FAAH2: variants seen among roughly 807,000 people sequenced by gnomAD.
The protein encoded by FAAH2 is fatty acid amide hydrolase 2, also known as fatty-acid amide hydrolase 2.
FAAH2 carries 60 observed loss-of-function variants against 36.9 expected under a neutral mutation model. The ratio of observed to expected loss-of-function variants is 1.63; its 90% CI spans 1.32 to 2.02. FAAH2 has a LOEUF of 2.02. Among genes scored for constraint, FAAH2 ranks in the 30% most tolerant of loss-of-function variants. The pLI, the probability that FAAH2 is intolerant of heterozygous loss-of-function variation, is 0.00. For synonymous variants in FAAH2, 214 were observed against 143.8 expected (o/e 1.49, Z -3.49); for missense variants, 689 against 397.5 (o/e 1.73, Z -6.23).
chrX:57,377,139 G>C (rs1438815629), intron 5 of FAAH2, among the ~76,000 whole-genome samples: 1 of 112,174 alleles, frequency 8.9e-6, no homozygotes, highest in Admixed American at 9.4e-5. Flanking sequence ...TTGCTGTGCA[G>C]AAGCTCTTTA....
At chrX:57,145,262 G>T in the FAAH2 span, among the ~76,000 whole-genome samples, 1 of 105,184 alleles carries the variant, frequency 9.5e-6, no homozygotes, top group African/African-American at 3.8e-5. Flanking sequence ...TTGGGGGGGG[G>T]TAAGGTGGTA....
chrX:57,277,080 C>T, the FAAH2 span, among the ~76,000 whole-genome samples: 2 of 111,051 alleles, frequency 1.8e-5, no homozygotes, highest in East Asian at 5.6e-4. Flanking sequence ...TTTTATATGG[C>T]CAGCATCAGC....
intron 8 of FAAH2, among the ~76,000 whole-genome samples, chrX:57,440,003 A>T (rs1357815809): frequency 9.0e-6 from 1 of 111,628 alleles, no homozygotes; most frequent in Non-Finnish European, 1.9e-5. Flanking sequence ...TGGTTACTGT[A>T]GCCTTGTAGT....
the FAAH2 span, among the ~76,000 whole-genome samples, chrX:57,265,529 C>T: frequency 1.8e-5 from 2 of 111,382 alleles, no homozygotes; most frequent in African/African-American, 6.5e-5. Flanking sequence ...CAAACGGGGG[C>T]AGAAGAGATC....
intron 8 of FAAH2, among the ~76,000 whole-genome samples, chrX:57,434,690 G>T (rs1202127727): frequency 9.0e-6 from 1 of 110,897 alleles, no homozygotes; most frequent in African/African-American, 3.3e-5. Context: ...TAGAAAGAAA[G>T]ATAAAAAATA....
chrX:57,482,510 G>A (rs901979636), intron 10 of FAAH2, among the ~76,000 whole-genome samples: 5 of 110,151 alleles, frequency 4.5e-5, no homozygotes, highest in South Asian at 7.9e-4. Context: ...CCAACTTCCT[G>A]TACTTCCTGG....
the FAAH2 span, among the ~76,000 whole-genome samples, chrX:57,266,928 T>C: frequency 2.7e-5 from 3 of 112,464 alleles, no homozygotes; most frequent in Non-Finnish European, 5.6e-5. Context: ...AGGGAAACCA[T>C]TGGACCTGAT....
chrX:57,384,138 T>C (rs1208183376), intron 7 of FAAH2, among the ~76,000 whole-genome samples: 1 of 110,481 alleles, frequency 9.1e-6, no homozygotes, highest in Non-Finnish European at 1.9e-5. Flanking sequence ...AAGCTGAAAC[T>C]GGATCCCTTC....
At chrX:57,337,322 C>T (rs1418584771) in intron 4 of FAAH2, among the ~76,000 whole-genome samples, 4 of 106,677 alleles carry the variant, frequency 3.7e-5, no homozygotes, top group African/African-American at 1.4e-4. Flanking sequence ...AATTCTACCA[C>T]AGGTACAAAG....
intron 7 of FAAH2, among the ~76,000 whole-genome samples, chrX:57,383,764 A>T (rs1361477224): frequency 3.6e-5 from 4 of 112,159 alleles, no homozygotes; most frequent in Middle Eastern, 4.6e-3. Context: ...TAATTTATAG[A>T]TTCAATGCCA....
At chrX:57,191,859 G>T in the FAAH2 span, among the ~76,000 whole-genome samples, 1 of 111,983 alleles carries the variant, frequency 8.9e-6, no homozygotes, top group Non-Finnish European at 1.9e-5. Context: ...TTTTATGCAA[G>T]AACCATGCTG....
chrX:57,243,691 G>A, the FAAH2 span, among the ~76,000 whole-genome samples: 1 of 111,868 alleles, frequency 8.9e-6, no homozygotes, highest in South Asian at 3.7e-4. Context: ...CAAACAGAAA[G>A]GAATAATATC....
the FAAH2 span, among the ~76,000 whole-genome samples, chrX:57,222,064 C>G: frequency 9.0e-6 from 1 of 111,444 alleles, no homozygotes; most frequent in Non-Finnish European, 1.9e-5. Flanking sequence ...GCACCCCCCT[C>G]AGTCACCTAT....
the FAAH2 span, among the ~76,000 whole-genome samples, chrX:57,266,977 C>G: frequency 8.9e-6 from 1 of 112,036 alleles, no homozygotes; most frequent in Non-Finnish European, 1.9e-5. Flanking sequence ...GGGGCTAGTC[C>G]CACCTGAGCA....
chrX:57,184,216 T>C, the FAAH2 span, among the ~76,000 whole-genome samples: 1 of 111,907 alleles, frequency 8.9e-6, no homozygotes, highest in East Asian at 2.8e-4. Context: ...GCTTTTGCCT[T>C]TTGTCCTGTT....
the FAAH2 span, among the ~76,000 whole-genome samples, chrX:57,169,519 T>C: frequency 1.6e-4 from 1 of 6,143 alleles, no homozygotes; most frequent in Non-Finnish European, 2.4e-4. Flanking sequence ...TATATATATA[T>C]ATATATATAT....
At chrX:57,153,441 A>T in the FAAH2 span, among the ~76,000 whole-genome samples, 1 of 111,313 alleles carries the variant, frequency 9.0e-6, no homozygotes. Context: ...TTTATATTGT[A>T]TTTTAATTTT....
At chrX:57,238,184 A>G in the FAAH2 span, among the ~76,000 whole-genome samples, 1 of 111,881 alleles carries the variant, frequency 8.9e-6, no homozygotes, top group African/African-American at 3.3e-5. Context: ...TCTGCCATAA[A>G]ACATATGAAT....
chrX:57,400,060 A>G (rs1437296289), intron 7 of FAAH2, among the ~76,000 whole-genome samples: 1 of 112,334 alleles, frequency 8.9e-6, no homozygotes, highest in Non-Finnish European at 1.9e-5. Flanking sequence ...TTACTTGTTG[A>G]CAGTTATGTT....
Sources: allele counts gnomAD v4.1 joint callset (sites outside exome capture counted in the v4.1 genomes callset), GRCh38; gene constraint gnomAD v4.1.1; transcripts MANE v1.5; gene names NCBI Gene and HGNC (gene_info 2026-07-23, HGNC 2026-07-21).